CPED1: variants seen among roughly 807,000 people sequenced by gnomAD.
CPED1 encodes cadherin like and PC-esterase domain containing 1.
Under a neutral mutation model 128.2 loss-of-function variants are expected in CPED1, and 114 were observed. The ratio of observed to expected loss-of-function variants is 0.89; its 90% CI spans 0.76 to 1.04. The LOEUF is 1.04. Ranked by LOEUF, CPED1 falls within the 50% of genes least tolerant of loss-of-function variation. The pLI, the probability that CPED1 is intolerant of heterozygous loss-of-function variation, is 0.00. For synonymous variants in CPED1, 462 were observed against 426.7 expected (o/e 1.08, Z -1.02); for missense variants, 1,211 against 1,207.1 (o/e 1.00, Z -0.05).
intron 2 of CPED1, among the ~76,000 whole-genome samples, chr7:121,007,967 G>A (rs1033039311): frequency 1.3e-5 from 2 of 150,694 alleles, no homozygotes; most frequent in Admixed American, 6.6e-5. Context: ...TACTTTCACT[G>A]TTTTCTTTTC....
chr7:121,134,231 T>C (rs572440968), intron 13 of CPED1, among the ~76,000 whole-genome samples: 32 of 152,172 alleles, frequency 2.1e-4, no homozygotes, highest in African/African-American at 7.2e-4. Flanking sequence ...ATGTACACAA[T>C]GGAATACTAT....
intron 17 of CPED1, among the ~76,000 whole-genome samples, chr7:121,239,276 C>T (rs1203976882): frequency 6.6e-6 from 1 of 151,790 alleles, no homozygotes; most frequent in African/African-American, 2.4e-5. Flanking sequence ...TTTCACTTTG[C>T]CTATGTATTG....
intron 7 of CPED1, among the ~76,000 whole-genome samples, chr7:121,113,093 A>G (rs1795151747): frequency 6.6e-6 from 1 of 152,218 alleles, no homozygotes; most frequent in South Asian, 2.1e-4. Flanking sequence ...TTGAAAATTC[A>G]TGCATTTAAT....
intron 16 of CPED1, among the ~76,000 whole-genome samples, chr7:121,195,878 G>T (rs1408563430): frequency 6.6e-6 from 1 of 152,058 alleles, no homozygotes; most frequent in African/African-American, 2.4e-5. Context: ...CTGTAAATTG[G>T]CCTTGGAGAA....
intron 16 of CPED1, among the ~76,000 whole-genome samples, chr7:121,151,249 C>T (rs185919638): frequency 6.2e-4 from 94 of 152,086 alleles, no homozygotes; most frequent in Middle Eastern, 6.8e-3. Flanking sequence ...GTATATATGC[C>T]CAATGCCGTA....
At chr7:121,275,170 A>T (rs993296995) in intron 22 of CPED1, among the ~76,000 whole-genome samples, 1 of 152,134 alleles carries the variant, frequency 6.6e-6, no homozygotes, top group Non-Finnish European at 1.5e-5. Flanking sequence ...TATCATAGAC[A>T]TAACAAACTT....
intron 5 of CPED1, among the ~76,000 whole-genome samples, chr7:121,082,261 A>G (rs954757219): frequency 6.6e-6 from 1 of 152,200 alleles, no homozygotes; most frequent in Admixed American, 6.5e-5. Context: ...TGAGTCTATG[A>G]AAATAATATA....
At position 121,216,960 on chromosome 7, in the gene CPED1, G is replaced by A. The variant is rs538558721; in HGVS notation, c.2056-19754G>A. Among the ~76,000 whole-genome samples the A allele has an allele frequency of 4.6e-5, 7 of 152,050 alleles. No individual in the cohort carries two copies. In the South Asian group the frequency reaches 1.5e-3, roughly 32 times the overall value. Reference sequence around the variant, plus strand: ...TGGTTTGCTTAGCTGTTACGCTTTTGAATATTGCATTTTTTTGGAGAGTTA... The same window carrying A: ...TGGTTTGCTTAGCTGTTACGCTTTTAAATATTGCATTTTTTTGGAGAGTTA... On this transcript the variant is annotated intron_variant, in intron 16 of 22. Coordinates refer to ENST00000310396, the MANE Select transcript of CPED1 (RefSeq NM_024913.5).
intron 17 of CPED1, among the ~76,000 whole-genome samples, chr7:121,240,543 A>G (rs774727757): frequency 4.6e-5 from 7 of 152,132 alleles, no homozygotes; most frequent in Admixed American, 2.6e-4. Flanking sequence ...AAATAAATTC[A>G]TTATAACAAT....
intron 17 of CPED1, among the ~76,000 whole-genome samples, chr7:121,241,540 T>C (rs1019969805): frequency 1.3e-5 from 2 of 152,064 alleles, no homozygotes; most frequent in African/African-American, 4.8e-5. Flanking sequence ...GAAACATCTT[T>C]CACATAGCAG....
chr7:121,293,593 A>C (rs540438816), intron 22 of CPED1, among the ~76,000 whole-genome samples: 2 of 152,048 alleles, frequency 1.3e-5, no homozygotes, highest in Non-Finnish European at 2.9e-5. Flanking sequence ...GTGTGCCCAA[A>C]TGGCTGCCCC....
intron 16 of CPED1, among the ~76,000 whole-genome samples, chr7:121,164,537 A>C (rs371071171): frequency 1.3e-5 from 2 of 152,184 alleles, no homozygotes; most frequent in Admixed American, 1.3e-4. Flanking sequence ...CCCACTCAGT[A>C]GGTTTAGGAT....
intron 22 of CPED1, among the ~76,000 whole-genome samples, chr7:121,272,034 C>T: frequency 6.6e-6 from 1 of 152,090 alleles, no homozygotes; most frequent in South Asian, 2.1e-4. Flanking sequence ...GAATAAAAAT[C>T]TTGGTCAGGA....
chr7:121,092,995 A>G (rs1264954156), intron 5 of CPED1, among the ~76,000 whole-genome samples: 2 of 152,176 alleles, frequency 1.3e-5, no homozygotes, highest in Non-Finnish European at 2.9e-5. Context: ...CTTTTTCATC[A>G]TCATACAAAG....
intron 16 of CPED1, among the ~76,000 whole-genome samples, chr7:121,222,784 T>G (rs1386851391): frequency 6.6e-6 from 1 of 152,192 alleles, no homozygotes; most frequent in Admixed American, 6.5e-5. Context: ...TAGGAATGTT[T>G]GTGATTTTTG....
At chr7:121,166,120 C>G (rs1796518182) in intron 16 of CPED1, among the ~76,000 whole-genome samples, 1 of 109,006 alleles carries the variant, frequency 9.2e-6, no homozygotes, top group South Asian at 2.7e-4. Context: ...GAGTGCATGG[C>G]AAAAACAAAA....
rs142233888 is a variant in CPED1 at position 121,268,401 on chromosome 7, A to G, written c.2721+1099A>G. ...CTTACTATGTGCCAGATATTGTGTT[A>G]AACATTATGACTGCCACCTGAACTT... On this transcript the variant is annotated intron_variant, in intron 21 of 22. Coordinates refer to ENST00000310396, the MANE Select transcript of CPED1 (RefSeq NM_024913.5). Among the ~76,000 whole-genome samples the G allele has an allele frequency of 8.9e-4, 136 of 152,230 alleles. 2 individuals carry two copies. Among genetic ancestry groups the G allele is most frequent in the Middle Eastern group, 3.4e-3 (1 of 294 alleles).
At chr7:121,237,067 T>C (rs1387967191) in intron 17 of CPED1, among the ~76,000 whole-genome samples, 2 of 152,204 alleles carry the variant, frequency 1.3e-5, no homozygotes, top group Non-Finnish European at 2.9e-5. Context: ...TCTGCAGATA[T>C]GTTACCCATG....
chr7:121,256,205 A>G (rs1791870845), intron 18 of CPED1, among the ~76,000 whole-genome samples: 1 of 151,990 alleles, frequency 6.6e-6, no homozygotes, highest in South Asian at 2.1e-4. Context: ...GCAATAACCA[A>G]AACAACATGG....
Sources: gnomAD v4.1 joint callset for allele counts (sites outside exome capture counted in the v4.1 genomes callset) on GRCh38, gnomAD v4.1.1 for gene constraint, MANE v1.5 for transcripts, NCBI Gene and HGNC (gene_info 2026-07-23, HGNC 2026-07-21) for gene names.